The following PCBP2 variants were observed in gnomAD, a reference collection of about 807,000 sequenced individuals.
PCBP2 encodes the protein poly(rC)-binding protein 2.
In PCBP2, 4 loss-of-function variants were observed where a neutral mutation model predicts 50.1. The observed-to-expected ratio is 0.08, with a 90% CI of 0.04 to 0.18. The LOEUF (loss-of-function observed/expected upper bound fraction) is 0.18. Ranked by LOEUF, PCBP2 falls within the 10% of genes least tolerant of loss-of-function variation. The probability of loss-of-function intolerance (pLI) is 1.00; values close to 1 mark genes in which losing one functional copy is unlikely to be tolerated. For synonymous variants in PCBP2, 179 were observed against 168.0 expected (o/e 1.07, Z -0.51); for missense variants, 161 against 474.3 (o/e 0.34, Z 6.14).
intron 2 of PCBP2, 115 bp from the exon 3 acceptor site, chr12:53,455,232 C>A: frequency 1.0e-6 from 1 of 980,622 alleles, no homozygotes. Context: ...AGTTAAAATT[C>A]CTTTTCATAA....
At chr12:53,461,214 A>T (rs574030345) in intron 7 of PCBP2, 71 bp downstream of exon 7, 1 of 1,538,464 alleles carries the variant, frequency 6.5e-7, no homozygotes, top group South Asian at 1.2e-5. Context: ...ATCTATATTT[A>T]GTAAGACTAG....
At chr12:53,460,222 C>CT (rs1257698494) in intron 6 of PCBP2, 9 of 214,560 alleles carry the variant, frequency 4.2e-5, no homozygotes, top group Non-Finnish European at 8.8e-5. Context: ...TTACTGCAAC[C>CT]TCGACTTCTG....
chr12:53,464,640 T>G, intron 8 of PCBP2, 120 bp from the exon 9 acceptor site: 2 of 1,367,890 alleles, frequency 1.5e-6, no homozygotes, highest in Non-Finnish European at 2.0e-6. Flanking sequence ...AAATTGTGTC[T>G]GAGCTCCTTT....
At position 53,460,609 on chromosome 12, in the gene PCBP2, A is replaced by G. The variant is rs142253433; in HGVS notation, c.376-406A>G. The G allele has an allele frequency of 7.8e-4, 169 of 217,242 alleles. 1 individual carries two copies. In the Middle Eastern group the frequency reaches 0.014, roughly 19 times the overall value. The allele number at this position is 217,242 out of a possible 1,614,324, so 13.5% of individuals were successfully genotyped here. ...AGAGATCTTAATTTTGTTAATTGCT[A>G]TATTCGAAGCACTTCTCATGGTACC... is the stretch of plus-strand genomic sequence containing the variant. On this transcript the variant is annotated intron_variant, in intron 6 of 14. Transcript: ENST00000546463.
chr12:53,469,681 C>G (rs377478401), intron 13 of PCBP2, among the ~76,000 whole-genome samples: 1 of 151,618 alleles, frequency 6.6e-6, no homozygotes, highest in African/African-American at 2.4e-5. Context: ...GAGCCGAGAT[C>G]GCGCCATCGC....
In PCBP2 at chr12:53,480,694, C is replaced by T. The variant is rs1942992629; in HGVS notation, c.*1252C>T. 2 of 152,288 alleles carry T rather than the reference C, an allele frequency of 1.3e-5. No homozygotes were observed. Among genetic ancestry groups the T allele is most frequent in the Admixed American group, 1.3e-4 (2 of 15,260 alleles). The allele number at this position is 152,288 out of a possible 1,614,324, so 9.4% of individuals were successfully genotyped here. ...TGGGCAGAGAAGATAAATGGTGGGACAAAAAAATGAGTTACATTGCCACCT... is the reference window on the plus strand; with the variant it reads ...TGGGCAGAGAAGATAAATGGTGGGATAAAAAAATGAGTTACATTGCCACCT... On this transcript the variant is annotated 3_prime_UTR_variant, in exon 15 of 15. Transcript: ENST00000546463.
intron 12 of PCBP2, chr12:53,468,325 T>A (rs1412166768): frequency 3.0e-5 from 6 of 201,994 alleles, no homozygotes; most frequent in African/African-American, 1.4e-4. Context: ...GATACAGGTA[T>A]ATTTAAAGCA....
At chr12:53,472,217 TAGGAC>T (rs1004063429) in intron 14 of PCBP2, among the ~76,000 whole-genome samples, 2 of 152,210 alleles carry the variant, frequency 1.3e-5, no homozygotes, top group Non-Finnish European at 2.9e-5. Flanking sequence ...ATTGGAGTAA[TAGGAC>T]AGCAAGGCAG....
At chr12:53,472,512 G>A (rs1942311190) in intron 14 of PCBP2, among the ~76,000 whole-genome samples, 2 of 152,176 alleles carry the variant, frequency 1.3e-5, no homozygotes, top group African/African-American at 4.8e-5. Flanking sequence ...TATATTACTT[G>A]CTTTCTCAAC....
chr12:53,465,042 C>CT (rs747714871), intron 9 of PCBP2, 190 bp downstream of exon 9: 35,890 of 381,680 alleles, frequency 0.094, 3 homozygotes, highest in East Asian at 0.13. Flanking sequence ...GTAACACCAA[C>CT]TTTTTTTTTT....
chr12:53,469,411 T>G (rs1042210078), intron 13 of PCBP2, among the ~76,000 whole-genome samples: 1 of 152,008 alleles, frequency 6.6e-6, no homozygotes, highest in Non-Finnish European at 1.5e-5. Flanking sequence ...GAGACAGCAG[T>G]AACTTTTTGC....
intron 13 of PCBP2, among the ~76,000 whole-genome samples, chr12:53,470,378 C>CAAAAAAAAAAAAAAAA (rs754350790): frequency 1.3e-4 from 6 of 47,366 alleles, no homozygotes; most frequent in African/African-American, 6.0e-4. Context: ...CTCCGTCTCT[C>CAAAAAAAAAAAAAAAA]AAAAAAAAAA....
At chr12:53,472,156 C>G (rs1393305624) in intron 14 of PCBP2, among the ~76,000 whole-genome samples, 3 of 152,126 alleles carry the variant, frequency 2.0e-5, no homozygotes, top group African/African-American at 7.2e-5. Flanking sequence ...ACTACTATTT[C>G]TTTCACTGAT....
At chr12:53,474,931 T>C (rs772340885) in intron 14 of PCBP2, 3 of 456,146 alleles carry the variant, frequency 6.6e-6, no homozygotes, top group Non-Finnish European at 1.3e-5. Context: ...CACCTCAGCA[T>C]CAACCTCTCT....
intron 9 of PCBP2, among the ~76,000 whole-genome samples, chr12:53,465,300 G>C (rs189720015): frequency 5.3e-5 from 8 of 152,022 alleles, no homozygotes; most frequent in South Asian, 2.1e-4. Flanking sequence ...TATGTTGTGG[G>C]GGGGAGGAGG....
chr12:53,462,401 T>C, intron 7 of PCBP2, 92 bp from the exon 8 acceptor site: 3 of 974,574 alleles, frequency 3.1e-6, no homozygotes, highest in South Asian at 3.3e-5. Flanking sequence ...TAGTTTTTAA[T>C]TTAACTGACC....
Position 53,481,121 on chromosome 12 carries a change from A to ATATG in PCBP2, c.*1683_*1686dup, listed in dbSNP as rs1259039446. On this transcript the variant is annotated 3_prime_UTR_variant, in exon 15 of 15. Transcript: ENST00000546463. ...GATTATGTGGCGCATATATATATAT[A>ATATG]TATGTATATATATATAATTTATATA... The ATATG allele has an allele frequency of 3.4e-5, 21 of 612,634 alleles. No individual in the cohort carries two copies. Among genetic ancestry groups the ATATG allele is most frequent in the Non-Finnish European group, 4.2e-5 (19 of 449,106 alleles). The allele number at this position is 612,634 out of a possible 1,614,324, so 37.9% of individuals were successfully genotyped here.
intron 5 of PCBP2, 98 bp downstream of exon 5, chr12:53,456,099 C>A: frequency 1.3e-6 from 1 of 762,890 alleles, no homozygotes; most frequent in South Asian, 1.5e-5. Flanking sequence ...CACACTGGAC[C>A]TTGAGACTCG....
intron 5 of PCBP2, among the ~76,000 whole-genome samples, chr12:53,456,497 G>T (rs774637449): frequency 1.6e-4 from 24 of 151,250 alleles, no homozygotes; most frequent in Non-Finnish European, 7.4e-5. Flanking sequence ...AAAACAGTTT[G>T]AGTTTTGCCA....
Sources: gnomAD v4.1 joint callset for allele counts (sites outside exome capture counted in the v4.1 genomes callset) on GRCh38, gnomAD v4.1.1 for gene constraint, MANE v1.5 for transcripts, NCBI Gene and HGNC (gene_info 2026-07-23, HGNC 2026-07-21) for gene names.